MEGF8: variants seen among roughly 807,000 people sequenced by gnomAD.
MEGF8 encodes the protein multiple epidermal growth factor-like domains protein 8.
MEGF8 carries 156 observed loss-of-function variants against 302.9 expected under a neutral mutation model. The observed-to-expected ratio is 0.52, with a 90% confidence interval of 0.45 to 0.59. MEGF8 has a LOEUF of 0.59. MEGF8 is among the 20% of genes least tolerant of loss of function. MEGF8 has a pLI of 0.00. For missense variants in MEGF8, 3,345 were observed against 3,964.5 expected (o/e 0.84, Z 4.20); for synonymous variants, 1,621 against 1,660.5 (o/e 0.98, Z 0.58).
Position 42,326,113 on chromosome 19 carries a change from G to A in MEGF8, c.-131G>A. 3 of 1,342,636 alleles carry A rather than the reference G, an allele frequency of 2.2e-6. No individual in the cohort carries two copies. The highest frequency in any genetic ancestry group is 1.9e-6 in the Non-Finnish European group (2 of 1,042,636). 83.2% of individuals were successfully genotyped at this position (1,342,636 alleles called of 1,614,324 possible). A position where few individuals can be genotyped will look rare whatever the true frequency, so the allele number is the denominator to read the frequency against. On this transcript the variant is annotated 5_prime_UTR_variant, in exon 1 of 42. Coordinates refer to ENST00000251268, the MANE Select transcript of MEGF8 (RefSeq NM_001271938.2). ...CTTCGCCGGGACTGCCGGGTCTCCG[G>A]GACCTCTTCGATCTACAAGGTCATG... is the stretch of plus-strand genomic sequence containing the variant.
In MEGF8 at chr19:42,349,377, G is replaced by A; in HGVS notation, c.2299-122G>A. On this transcript the variant is annotated intron_variant, in intron 13 of 41. Coordinates refer to ENST00000251268, the MANE Select transcript of MEGF8 (RefSeq NM_001271938.2). The stretch of plus-strand genomic sequence containing the variant: ...ACCTCTGAGGTTCTCAGGATCTAAG[G>A]AGCTCTGAGGCCCTCTTCTTAGGAG... 3 of 781,762 alleles carry A rather than the reference G, an allele frequency of 3.8e-6. No homozygotes were observed. In the South Asian group the frequency reaches 5.6e-5, roughly 15 times the overall value. The allele number at this position is 781,762 out of a possible 1,614,324, so 48.4% of individuals were successfully genotyped here.
rs1333541132 is a variant in MEGF8 at position 42,368,433 on chromosome 19, C to G, written c.6274-22C>G. The G allele has an allele frequency of 2.6e-6, 4 of 1,552,854 alleles. No homozygotes were observed. Among genetic ancestry groups the G allele is most frequent in the East Asian group, 2.3e-5 (1 of 43,218 alleles). On this transcript the variant is annotated intron_variant, in intron 35 of 41. Transcript: ENST00000251268. The surrounding 1 kb of genome is among the most constrained non-coding windows in gnomAD (Gnocchi z 4.9). Reference sequence around the variant, plus strand: ...CCCCATCTCTCTCTTCCCTGCATCCCCATCCCCTCCCCCCCATACAGTGTC... The same window carrying G: ...CCCCATCTCTCTCTTCCCTGCATCCGCATCCCCTCCCCCCCATACAGTGTC...
At chr19:42,346,984 C>CAAAAAAAAAAAAAAAAAAAA (rs767117534) in intron 12 of MEGF8, among the ~76,000 whole-genome samples, 1 of 49,816 alleles carries the variant, frequency 2.0e-5, no homozygotes, top group African/African-American at 7.4e-5. Flanking sequence ...GACTCTGTCT[C>CAAAAAAAAAAAAAAAAAAAA]AAAAAAAAAA....
At position 42,344,139 on chromosome 19, in the gene MEGF8, C is replaced by A; in HGVS notation, c.1788+66C>A. 1 of 1,556,976 alleles carries A rather than the reference C, an allele frequency of 6.4e-7. No homozygotes were observed. ...ACCTGCCCTCAGTGTCTCCCTCTGC[C>A]TAACCAGATGGACAAGAACTTTCCC... is the stretch of plus-strand genomic sequence containing the variant. On this transcript the variant is annotated intron_variant, in intron 10 of 41. Transcript: ENST00000251268. This position sits in a 1 kb window ranked among gnomAD's most constrained non-coding sequence, Gnocchi z 4.5.
At position 42,356,420 on chromosome 19, in the gene MEGF8, G is replaced by A. The variant is rs1480343193; in HGVS notation, c.4589G>A (p.Gly1530Asp). ...ACCTTGTGGATGTTTGGGGGCCTGG[G>A]CCTGCCCCAGGGGCTGCTGGGAAAC... ...DATLWMFGGL[G>D]LPQGLLGNLY... Residue 1530 changes from glycine (G) to aspartate (D), a missense_variant, in exon 26 of 42, where the codon GGC (glycine) becomes GAC (aspartate). By Grantham distance (94) the Gly-to-Asp change is moderately conservative. Coordinates refer to ENST00000251268, the MANE Select transcript of MEGF8 (RefSeq NM_001271938.2). The surrounding 1 kb of genome is among the most constrained non-coding windows in gnomAD (Gnocchi z 5.2). 1.9e-6 allele frequency: 3 copies of A among 1,610,044 alleles called. No homozygotes were observed. The highest frequency in any genetic ancestry group is 2.2e-5 in the East Asian group (1 of 44,874).
intron 1 of MEGF8, among the ~76,000 whole-genome samples, chr19:42,326,888 A>G (rs1296724345): frequency 6.6e-6 from 1 of 152,030 alleles, no homozygotes; most frequent in African/African-American, 2.4e-5. Flanking sequence ...CTGAGTGTGT[A>G]GAGACAGAGT....
In MEGF8 at chr19:42,351,539, G is replaced by A. The variant is rs757715325; in HGVS notation, c.2966G>A (p.Gly989Asp). Residue 989 changes from glycine (G) to aspartate (D), a missense_variant, in exon 17 of 42, where the codon GGC (glycine) becomes GAC (aspartate). By Grantham distance (94) the Gly-to-Asp change is moderately conservative. Coordinates refer to ENST00000251268, the MANE Select transcript of MEGF8 (RefSeq NM_001271938.2). The surrounding 1 kb of genome is among the most constrained non-coding windows in gnomAD (Gnocchi z 5.6). Reference protein sequence around the residue: ...AAYLARYPHGGCRGWDDSVHS... With the variant: ...AAYLARYPHGDCRGWDDSVHS... ...TACTTGGCCCGGTACCCACACGGGG[G>A]CTGTCGAGGCTGGGACGACAGGTAT... 6.2e-7 allele frequency: 1 copy of A among 1,609,286 alleles called. No homozygotes were observed. Among genetic ancestry groups the A allele is most frequent in the Admixed American group, 1.7e-5 (1 of 59,350 alleles).
rs780887227 is a variant in MEGF8 at position 42,351,556 on chromosome 19, G to A, written c.2983G>A (p.Asp995Asn). The A allele has an allele frequency of 6.5e-5, 104 of 1,608,744 alleles. No homozygotes were observed. The highest frequency in any genetic ancestry group is 4.8e-5 in the Non-Finnish European group (57 of 1,177,982). ...YPHGGCRGWD[D>N]SVHSEPRCRS... ...ACACGGGGGCTGTCGAGGCTGGGAC[G>A]ACAGGTATGGTCCCTGGGGCAGGGC... The change falls in exon 17 of 42, where the codon GAC becomes AAC. Residue 995 changes from aspartate (D) to asparagine (N), a missense_variant. Coordinates refer to ENST00000251268, the MANE Select transcript of MEGF8 (RefSeq NM_001271938.2). This position sits in a 1 kb window ranked among gnomAD's most constrained non-coding sequence, Gnocchi z 5.6.
Position 42,369,163 on chromosome 19 carries a change from A to G in MEGF8, c.6641+161A>G, listed in dbSNP as rs1179692284. Among the ~76,000 whole-genome samples the G allele has an allele frequency of 6.6e-6, 1 of 152,194 alleles. No homozygotes were observed. The highest frequency in any genetic ancestry group is 1.5e-5 in the Non-Finnish European group (1 of 68,034). ...CTGAAGGTCAAGAGTGGTGAGGCTG[A>G]GCAGGGAAGAGTGAGTTTCATAGGG... is the stretch of plus-strand genomic sequence containing the variant. On this transcript the variant is annotated intron_variant, in intron 37 of 41. Coordinates refer to ENST00000251268, the MANE Select transcript of MEGF8 (RefSeq NM_001271938.2). The surrounding 1 kb of genome is among the most constrained non-coding windows in gnomAD (Gnocchi z 5.7).
intron 35 of MEGF8, among the ~76,000 whole-genome samples, chr19:42,363,626 C>T (rs1268098039): frequency 6.6e-6 from 1 of 152,122 alleles, no homozygotes; most frequent in Non-Finnish European, 1.5e-5. Flanking sequence ...TTCACATCCA[C>T]GACTCTTAAT....
rs1375883250 is a variant in MEGF8, at chr19:42,343,937, C to T, written c.1669-17C>T. The T allele has an allele frequency of 1.2e-6, 2 of 1,611,256 alleles. No homozygotes were observed. Among genetic ancestry groups the T allele is most frequent in the Non-Finnish European group, 8.5e-7 (1 of 1,178,230 alleles). ...CCGTCCCCTTGCCTCCCCCTCTGTC[C>T]CCTTGCCTCCCTGCAGTACCACTTG... On this transcript the variant is annotated splice_polypyrimidine_tract_variant and intron_variant, in intron 9 of 41. Transcript: ENST00000251268.
At chr19:42,370,522 C>T in intron 39 of MEGF8, 163 bp downstream of exon 39, 1 of 892,882 alleles carries the variant, frequency 1.1e-6, no homozygotes, top group Non-Finnish European at 1.7e-6. Flanking sequence ...GGGTCTTGAA[C>T]TCCTGGGTCT....
At chr19:42,330,390 C>CTT in intron 1 of MEGF8, among the ~76,000 whole-genome samples, 1 of 152,314 alleles carries the variant, frequency 6.6e-6, no homozygotes, top group East Asian at 1.9e-4. Flanking sequence ...TGGCCTCCAG[C>CTT]AGGCACTTAA....
chr19:42,355,839 CA>C lies in MEGF8; in HGVS notation c.4227del (p.Gly1411AlafsTer134), dbSNP rs2039443470. On this transcript the variant is annotated frameshift_variant, in exon 24 of 42. Coordinates refer to ENST00000251268, the MANE Select transcript of MEGF8 (RefSeq NM_001271938.2). LOFTEE classifies it high-confidence loss of function. ...NASVGSARCG[S>X]GGPGSCPVPQ... is the part of the protein sequence containing the mutation. ...TCGGTGGGCTCTGCCCGCTGTGGGT[CA>C]GGGGGCCCCGGGAGCTGTCCCGTCC... 3.2e-6 allele frequency: 5 copies of C among 1,568,616 alleles called. No individual in the cohort carries two copies. Among genetic ancestry groups the C allele is most frequent in the Non-Finnish European group, 4.3e-6 (5 of 1,156,656 alleles).
In MEGF8 at chr19:42,351,671, G is replaced by C. The variant is rs770911706; in HGVS notation, c.3011G>C (p.Arg1004Pro). The C allele has an allele frequency of 6.3e-7, 1 of 1,590,366 alleles. No individual in the cohort carries two copies. Among genetic ancestry groups the C allele is most frequent in the South Asian group, 1.1e-5 (1 of 87,330 alleles). Reference sequence around the variant, plus strand: ...AGTGTACACTCGGAGCCACGGTGCCGGAGCTGCGATGGCTTCCTGACCTGC... The same window carrying C: ...AGTGTACACTCGGAGCCACGGTGCCCGAGCTGCGATGGCTTCCTGACCTGC... ...DDSVHSEPRCRSCDGFLTCHE... is the reference protein window; with the variant it reads ...DDSVHSEPRCPSCDGFLTCHE... The change falls in exon 18 of 42, where the codon CGG becomes CCG. Residue 1004 changes from arginine to proline, a missense_variant. Coordinates refer to ENST00000251268, the MANE Select transcript of MEGF8 (RefSeq NM_001271938.2). This position sits in a 1 kb window ranked among gnomAD's most constrained non-coding sequence, Gnocchi z 5.6.
Position 42,359,160 on chromosome 19 carries a change from G to A in MEGF8, c.5406G>A (p.Gly1802=). 1 of 1,599,792 alleles carries A rather than the reference G, an allele frequency of 6.3e-7. No individual in the cohort carries two copies. The highest frequency in any genetic ancestry group is 8.5e-7 in the Non-Finnish European group (1 of 1,173,516). ...LLGDTMVVLG[G]RSDPDEFSSD... Reference sequence around the variant, plus strand: ...GGGACACCATGGTGGTTCTTGGGGGGCGCTCGGACCCTGACGAGTTCAGCA... The same window carrying A: ...GGGACACCATGGTGGTTCTTGGGGGACGCTCGGACCCTGACGAGTTCAGCA... The change falls in exon 31 of 42, where the codon GGG becomes GGA. Residue 1802 remains glycine (G), a synonymous_variant. Transcript: ENST00000251268.
intron 12 of MEGF8, among the ~76,000 whole-genome samples, chr19:42,346,886 G>A (rs1277481988): frequency 1.3e-5 from 2 of 148,160 alleles, no homozygotes; most frequent in African/African-American, 2.5e-5. Flanking sequence ...TCAGGAGTCT[G>A]AAGCAGGAGA....
At position 42,354,164 on chromosome 19, in the gene MEGF8, C is replaced by G; in HGVS notation, c.4011+140C>G. The G allele has an allele frequency of 4.7e-6, 5 of 1,059,472 alleles. No homozygotes were observed. The highest frequency in any genetic ancestry group is 6.6e-6 in the Non-Finnish European group (5 of 757,916). 65.6% of individuals were successfully genotyped at this position (1,059,472 alleles called of 1,614,324 possible). ...TAATCCTTCAAAACCCAAACTCCTCCTCAGATCCCCAGCACTTTGTTCCTA... is the reference window on the plus strand; with the variant it reads ...TAATCCTTCAAAACCCAAACTCCTCGTCAGATCCCCAGCACTTTGTTCCTA... On this transcript the variant is annotated intron_variant, in intron 22 of 41. Transcript: ENST00000251268. This position sits in a 1 kb window ranked among gnomAD's most constrained non-coding sequence, Gnocchi z 4.3.
chr19:42,352,558 C>T lies in MEGF8; in HGVS notation c.3350+102C>T. The T allele has an allele frequency of 7.1e-7, 1 of 1,405,730 alleles. No individual in the cohort carries two copies. Among genetic ancestry groups the T allele is most frequent in the Non-Finnish European group, 9.5e-7 (1 of 1,052,274 alleles). The allele number at this position is 1,405,730 out of a possible 1,614,324, so 87.1% of individuals were successfully genotyped here. A position where few individuals can be genotyped will look rare whatever the true frequency, so the allele number is the denominator to read the frequency against. On this transcript the variant is annotated intron_variant, in intron 19 of 41. Coordinates refer to ENST00000251268, the MANE Select transcript of MEGF8 (RefSeq NM_001271938.2). This position sits in a 1 kb window ranked among gnomAD's most constrained non-coding sequence, Gnocchi z 4.4. ...GGCGCTGGGTCCCCTCCTGTGGAAC[C>T]AGCATCCCCAGTTAGCCAGGGGTTT...
Sources: gnomAD v4.1 joint callset for allele counts (sites outside exome capture counted in the v4.1 genomes callset) on GRCh38, gnomAD v4.1.1 for gene constraint, Gnocchi (gnomAD v3.1) non-coding constraint, MANE v1.5 for transcripts, NCBI Gene and HGNC (gene_info 2026-07-23, HGNC 2026-07-21) for gene names.